The following SDK2 variants were observed in gnomAD, a reference collection of about 807,000 sequenced individuals.
The protein encoded by SDK2 is protein sidekick-2.
A neutral mutation model predicts 253.9 loss-of-function variants in SDK2; 105 were observed. That is an observed-to-expected ratio of 0.41 (90% CI 0.35 to 0.49). The LOEUF (loss-of-function observed/expected upper bound fraction) is 0.49, where lower values mean the gene tolerates loss of function less well. SDK2 is among the 20% of genes least tolerant of loss of function. SDK2 has a pLI of 0.06. For missense variants in SDK2, 2,608 were observed against 3,003.0 expected (o/e 0.87, Z 3.07); for synonymous variants, 1,249 against 1,234.9 (o/e 1.01, Z -0.24).
intron 1 of SDK2, among the ~76,000 whole-genome samples, chr17:73,532,623 A>G (rs2145805890): frequency 6.6e-6 from 1 of 152,328 alleles, no homozygotes; most frequent in East Asian, 1.9e-4. Context: ...CGCCCTTCTT[A>G]TCAACATGGA....
intron 1 of SDK2, among the ~76,000 whole-genome samples, chr17:73,555,847 C>T (rs2045135758): frequency 6.6e-6 from 1 of 152,222 alleles, no homozygotes; most frequent in Non-Finnish European, 1.5e-5. Flanking sequence ...AGACTCCAAA[C>T]ACCTGGGGAG....
At chr17:73,374,664 C>G (rs531071929) in intron 36 of SDK2, among the ~76,000 whole-genome samples, 1 of 148,336 alleles carries the variant, frequency 6.7e-6, no homozygotes, top group Admixed American at 6.7e-5. Flanking sequence ...GATGCGGTTT[C>G]GTCATGTTGG....
Position 73,643,881 on chromosome 17 carries a change from T to G in SDK2, c.64+144A>C. 3.1e-6 allele frequency: 2 copies of G among 648,528 alleles called. No individual in the cohort carries two copies. The highest frequency in any genetic ancestry group is 2.9e-5 in the East Asian group (1 of 34,892). 40.2% of individuals were successfully genotyped at this position (648,528 alleles called of 1,614,324 possible). A position where few individuals can be genotyped will look rare whatever the true frequency, so the allele number is the denominator to read the frequency against. On this transcript the variant is annotated intron_variant, in intron 1 of 44. Transcript: ENST00000392650. This position sits in a 1 kb window ranked among gnomAD's most constrained non-coding sequence, Gnocchi z 6.9. ...GAGCCCCAAAACTTGGGAGATGGGGTGTCTTGAAACTCCCTGGAGAGGGCT... is the reference window on the plus strand; with the variant it reads ...GAGCCCCAAAACTTGGGAGATGGGGGGTCTTGAAACTCCCTGGAGAGGGCT...
intron 29 of SDK2, 88 bp from the exon 30 acceptor site, chr17:73,388,125 A>G (rs1420073941): frequency 2.2e-6 from 2 of 919,166 alleles, no homozygotes; most frequent in African/African-American, 3.3e-5. Flanking sequence ...AAAGGAGGTG[A>G]TCTGGGCTCA....
Position 73,337,610 on chromosome 17 carries a change from G to A in SDK2, c.*977C>T, listed in dbSNP as rs1228710130. The A allele has an allele frequency of 6.6e-6, 1 of 152,504 alleles. No homozygotes were observed. The highest frequency in any genetic ancestry group is 2.4e-5 in the African/African-American group (1 of 41,444). 9.4% of individuals were successfully genotyped at this position (152,504 alleles called of 1,614,324 possible). The stretch of plus-strand genomic sequence containing the variant: ...CCCCACTCCCCAGCCTTGGGAAGCT[G>A]ACTACCCCTTTAAAGAGAGGACGGA... On this transcript the variant is annotated 3_prime_UTR_variant, in exon 45 of 45. Coordinates refer to ENST00000392650, the MANE Select transcript of SDK2 (RefSeq NM_001144952.2).
intron 1 of SDK2, among the ~76,000 whole-genome samples, chr17:73,585,794 T>G (rs1373737614): frequency 6.6e-6 from 1 of 152,206 alleles, no homozygotes; most frequent in Non-Finnish European, 1.5e-5. Context: ...GCACTGTGAT[T>G]TGAAAATGAG....
chr17:73,433,109 C>A (rs1186344602), intron 10 of SDK2, among the ~76,000 whole-genome samples: 3 of 147,742 alleles, frequency 2.0e-5, no homozygotes, highest in African/African-American at 4.9e-5. Flanking sequence ...AATGCAGGAC[C>A]CTCACATGCA....
intron 18 of SDK2, among the ~76,000 whole-genome samples, chr17:73,413,934 G>C (rs1181825646): frequency 6.6e-6 from 1 of 152,150 alleles, no homozygotes. Context: ...AGTACAGCCT[G>C]GGGATACGTT....
At chr17:73,589,995 C>T (rs2045660230) in intron 1 of SDK2, among the ~76,000 whole-genome samples, 1 of 152,256 alleles carries the variant, frequency 6.6e-6, no homozygotes, top group Non-Finnish European at 1.5e-5. Flanking sequence ...AGAATGTGGC[C>T]TCCTTCCCAC....
rs1438908119 is a variant in SDK2 at position 73,643,208 on chromosome 17, T to A, written c.64+817A>T. ...CGCAGATCACACCTCGGATCCTTCG[T>A]AGCACTCCCAAACCCAAAGCCACCA... On this transcript the variant is annotated intron_variant, in intron 1 of 44. Transcript: ENST00000392650. The surrounding 1 kb of genome is among the most constrained non-coding windows in gnomAD (Gnocchi z 6.9). The A allele has an allele frequency of 6.6e-6, 1 of 152,454 alleles. No individual in the cohort carries two copies. Among genetic ancestry groups the A allele is most frequent in the Non-Finnish European group, 1.5e-5 (1 of 68,260 alleles). 9.4% of individuals were successfully genotyped at this position (152,454 alleles called of 1,614,324 possible).
intron 33 of SDK2, among the ~76,000 whole-genome samples, chr17:73,382,548 T>C (rs1367083950): frequency 6.6e-6 from 1 of 152,274 alleles, no homozygotes; most frequent in Admixed American, 6.5e-5. Flanking sequence ...TACCAAGGTG[T>C]TCTAATTATC....
In SDK2 at chr17:73,352,661, C is replaced by T. The variant is rs2062549744; in HGVS notation, c.5594-24G>A. 2.5e-6 allele frequency: 4 copies of T among 1,610,778 alleles called. No individual in the cohort carries two copies. The highest frequency in any genetic ancestry group is 3.4e-6 in the Non-Finnish European group (4 of 1,177,312). On this transcript the variant is annotated intron_variant, in intron 40 of 44. Coordinates refer to ENST00000392650, the MANE Select transcript of SDK2 (RefSeq NM_001144952.2). This position sits in a 1 kb window ranked among gnomAD's most constrained non-coding sequence, Gnocchi z 4.1. ...GTCTGCAGGAGCACAGAGATGGAGG[C>T]CCTGGGAGGTGAGGGGAAGCCCCAA...
At chr17:73,437,393 G>A (rs562374791) in intron 8 of SDK2, among the ~76,000 whole-genome samples, 16 of 152,140 alleles carry the variant, frequency 1.1e-4, no homozygotes, top group African/African-American at 3.6e-4. Flanking sequence ...CACATCTCAG[G>A]TGAGATGCAC....
In SDK2 at chr17:73,390,305, C is replaced by CCGT; in HGVS notation, c.4173_4174insACG (p.Val1391_Val1392insThr). On this transcript the variant is annotated inframe_insertion, in exon 29 of 45. Transcript: ENST00000392650. ...CAGTCACCTCTCTTCTCGGTGGTCA[C>CCGT]CACCAAGGCCTCGGCAGCTTCTCCC... 6.3e-7 allele frequency: 1 copy of CCGT among 1,594,592 alleles called. No homozygotes were observed. Among genetic ancestry groups the CCGT allele is most frequent in the Non-Finnish European group, 8.5e-7 (1 of 1,173,486 alleles).
chr17:73,402,468 A>C (rs759759268), intron 18 of SDK2, among the ~76,000 whole-genome samples: 5 of 152,262 alleles, frequency 3.3e-5, no homozygotes, highest in African/African-American at 9.6e-5. Flanking sequence ...GGCTCAGTGC[A>C]AAATGAAAAA....
At position 73,365,276 on chromosome 17, in the gene SDK2, G is replaced by T; in HGVS notation, c.5287C>A (p.Pro1763Thr). The part of the protein sequence containing the change: ...ILEGYRLVYE[P>T]CSPVDGVSKI... ...CACTCACCATCCACGGGGCTGCAGG[G>T]CTCGTACACCAGCCTGTAGCCCTCC... The change falls in exon 38 of 45, where the codon CCC becomes ACC. Residue 1763 changes from proline to threonine, a missense_variant. Around this residue, in one of 2 missense-constraint regions of SDK2, gnomAD observed 1,103 missense variants for 1,143.9 expected, o/e 0.96. Transcript: ENST00000392650. 6.2e-7 allele frequency: 1 copy of T among 1,611,142 alleles called. No individual in the cohort carries two copies. The highest frequency in any genetic ancestry group is 8.5e-7 in the Non-Finnish European group (1 of 1,178,654).
chr17:73,566,317 A>ATGTGTGTG (rs763921480), intron 1 of SDK2, among the ~76,000 whole-genome samples: 1,603 of 143,878 alleles, frequency 0.011, 17 homozygotes, highest in South Asian at 0.026. Flanking sequence ...TCTTATATAT[A>ATGTGTGTG]TATGTGTGTG....
chr17:73,599,181 C>A (rs2045803161), intron 1 of SDK2, among the ~76,000 whole-genome samples: 1 of 152,112 alleles, frequency 6.6e-6, no homozygotes, highest in South Asian at 2.1e-4. Context: ...TCTTGTAGTG[C>A]TTAGTACATT....
At chr17:73,603,281 A>G (rs1250530076) in intron 1 of SDK2, among the ~76,000 whole-genome samples, 1 of 152,168 alleles carries the variant, frequency 6.6e-6, no homozygotes, top group African/African-American at 2.4e-5. Flanking sequence ...CAGTGTATCT[A>G]TCCTGGAAGT....
Sources: allele counts gnomAD v4.1 joint callset (sites outside exome capture counted in the v4.1 genomes callset), GRCh38; gene constraint gnomAD v4.1.1; regional missense constraint gnomAD v4.1.1; non-coding constraint Gnocchi (gnomAD v3.1); transcripts MANE v1.5; gene names NCBI Gene and HGNC (gene_info 2026-07-23, HGNC 2026-07-21).